Variants in RALGPS1 observed in about 807,000 individuals in gnomAD.
RALGPS1 encodes Ral GEF with PH domain and SH3 binding motif 1.
A neutral mutation model predicts 78.8 loss-of-function variants in RALGPS1; 19 were observed. The observed-to-expected ratio is 0.24, with a 90% CI of 0.17 to 0.35. The LOEUF is 0.35. Ranked by LOEUF, RALGPS1 falls within the 10% of genes least tolerant of loss-of-function variation. The pLI, the probability that RALGPS1 is intolerant of heterozygous loss-of-function variation, is 1.00. For missense variants in RALGPS1, 454 were observed against 688.3 expected, an observed-to-expected ratio of 0.66 and a Z score of 3.81; for synonymous variants, 228 against 256.3, an observed-to-expected ratio of 0.89 and a Z score of 1.06.
intron 8 of RALGPS1, among the ~76,000 whole-genome samples, chr9:127,083,720 T>A (rs1252906569): frequency 6.6e-6 from 1 of 152,234 alleles, no homozygotes; most frequent in East Asian, 1.9e-4. Context: ...TGTGGACTTT[T>A]CTTTTCCCAG....
rs200658483 is a variant in RALGPS1, at chr9:126,982,262, C to T, written c.216+4517C>T. On this transcript the variant is annotated intron_variant, in intron 4 of 18. Transcript: ENST00000259351. ...GAAGTGGGGGACCCCTTGGAGACTG[C>T]CTACCACAGGCCTCAGGTCAGAAGG... Among the ~76,000 whole-genome samples the T allele has an allele frequency of 2.4e-3, 363 of 152,308 alleles. 1 individual carries two copies. The highest frequency in any genetic ancestry group is 4.7e-3 in the Non-Finnish European group (320 of 68,024).
chr9:127,125,090 C>T (rs2056511828), intron 8 of RALGPS1, among the ~76,000 whole-genome samples: 1 of 152,224 alleles, frequency 6.6e-6, no homozygotes, highest in Non-Finnish European at 1.5e-5. Flanking sequence ...CATTTGGTTG[C>T]TCTGACCCTC....
intron 7 of RALGPS1, among the ~76,000 whole-genome samples, chr9:127,068,252 G>A (rs565269570): frequency 6.6e-6 from 1 of 152,338 alleles, no homozygotes; most frequent in Middle Eastern, 3.4e-3. Flanking sequence ...GGGATCTGGA[G>A]GATATAGCCT....
intron 11 of RALGPS1, among the ~76,000 whole-genome samples, chr9:127,188,056 CTTTTTTTTT>C (rs35971647): frequency 1.6e-4 from 13 of 81,668 alleles, no homozygotes; most frequent in Non-Finnish European, 2.0e-4. Context: ...GAATTAGAGC[CTTTTTTTTT>C]TTTTTTTTTT....
chr9:127,074,551 G>T (rs1443072175), intron 8 of RALGPS1, among the ~76,000 whole-genome samples: 2 of 152,228 alleles, frequency 1.3e-5, no homozygotes, highest in East Asian at 3.8e-4. Context: ...GCCTAGTGCA[G>T]CCCACGGGTT....
At chr9:127,087,941 C>T (rs2051964913) in intron 8 of RALGPS1, 1 of 152,620 alleles carries the variant, frequency 6.6e-6, no homozygotes, top group South Asian at 2.1e-4. Context: ...AGATACAAAA[C>T]TGCGAGTACA....
At chr9:127,064,207 G>A (rs2049474959) in intron 7 of RALGPS1, among the ~76,000 whole-genome samples, 1 of 152,148 alleles carries the variant, frequency 6.6e-6, no homozygotes, top group Non-Finnish European at 1.5e-5. Flanking sequence ...AACAAGAATG[G>A]TTTTAGTATC....
intron 18 of RALGPS1, among the ~76,000 whole-genome samples, chr9:127,216,577 G>A (rs139908395): frequency 2.6e-5 from 4 of 152,352 alleles, no homozygotes; most frequent in African/African-American, 9.6e-5. Flanking sequence ...GATCTCATCT[G>A]TATAAAAGTT....
intron 9 of RALGPS1, among the ~76,000 whole-genome samples, chr9:127,167,045 G>A (rs1276511789): frequency 6.6e-6 from 1 of 151,980 alleles, no homozygotes; most frequent in Non-Finnish European, 1.5e-5. Flanking sequence ...GGGGGGTGGG[G>A]CTCTAGGCAC....
intron 4 of RALGPS1, 136 bp from the exon 5 acceptor site, chr9:127,034,295 C>A: frequency 1.4e-6 from 1 of 732,696 alleles, no homozygotes; most frequent in Non-Finnish European, 2.4e-6. Context: ...CCTTCTCTTC[C>A]ACCTAGTAAA....
chr9:127,065,901 T>C (rs1432487288), intron 7 of RALGPS1, among the ~76,000 whole-genome samples: 1 of 152,212 alleles, frequency 6.6e-6, no homozygotes, highest in African/African-American at 2.4e-5. Flanking sequence ...AATACATGTT[T>C]AGGGTTTTCT....
chr9:127,058,403 T>C (rs1328675517), intron 7 of RALGPS1, among the ~76,000 whole-genome samples: 1 of 152,040 alleles, frequency 6.6e-6, no homozygotes, highest in East Asian at 1.9e-4. Flanking sequence ...GGGTGGGGGA[T>C]GGGGACCAAG....
chr9:127,090,830 A>G (rs1050604730), intron 8 of RALGPS1, among the ~76,000 whole-genome samples: 8 of 152,238 alleles, frequency 5.3e-5, no homozygotes, highest in African/African-American at 1.9e-4. Context: ...CTTCATCTCA[A>G]GAAACTGGGT....
chr9:126,997,983 C>G (rs1270462416), intron 4 of RALGPS1, among the ~76,000 whole-genome samples: 2 of 152,212 alleles, frequency 1.3e-5, no homozygotes, highest in African/African-American at 4.8e-5. Context: ...AAAGCTGAAA[C>G]TGGATCCCTT....
intron 1 of RALGPS1, among the ~76,000 whole-genome samples, chr9:126,923,978 C>T (rs1205523280): frequency 1.3e-5 from 2 of 152,226 alleles, no homozygotes; most frequent in Non-Finnish European, 2.9e-5. Context: ...ATGAGCATCA[C>T]TATGGCCTTT....
chr9:127,135,170 C>T (rs759822675), intron 8 of RALGPS1, among the ~76,000 whole-genome samples: 2 of 152,222 alleles, frequency 1.3e-5, no homozygotes, highest in African/African-American at 4.8e-5. Context: ...TGACACGTAG[C>T]CCCTGGAGTT....
chr9:127,021,549 T>G (rs1450238757), intron 4 of RALGPS1, among the ~76,000 whole-genome samples: 2 of 151,024 alleles, frequency 1.3e-5, no homozygotes, highest in African/African-American at 2.4e-5. Context: ...TTCATTGGGC[T>G]TCTGTATCAT....
At chr9:127,132,541 GGGTCTCC>G (rs2057079943) in intron 8 of RALGPS1, among the ~76,000 whole-genome samples, 2 of 152,206 alleles carry the variant, frequency 1.3e-5, no homozygotes, top group South Asian at 4.1e-4. Context: ...CATTGCCTTT[GGGTCTCC>G]AGTGCCCAGC....
At chr9:127,088,623 T>C (rs1397641435) in intron 8 of RALGPS1, 1 of 403,832 alleles carries the variant, frequency 2.5e-6, no homozygotes, top group Non-Finnish European at 4.6e-6. Flanking sequence ...CTCATACACA[T>C]GTATATTATG....
Sources: allele counts gnomAD v4.1 joint callset (sites outside exome capture counted in the v4.1 genomes callset), GRCh38; gene constraint gnomAD v4.1.1; transcripts MANE v1.5; gene names NCBI Gene and HGNC (gene_info 2026-07-23, HGNC 2026-07-21).